The following PKIG variants were observed in gnomAD, a reference collection of about 807,000 sequenced individuals.
The protein encoded by PKIG is protein kinase (cAMP-dependent, catalytic) inhibitor gamma.
Under a neutral mutation model 6.8 loss-of-function variants are expected in PKIG, and 1 was observed. That is an observed-to-expected ratio of 0.15 (90% CI 0.05 to 0.69). The LOEUF is 0.69. Ranked by LOEUF, PKIG falls within the 30% of genes least tolerant of loss-of-function variation. PKIG has a pLI of 0.82. For missense variants in PKIG, 77 were observed against 104.0 expected, an observed-to-expected ratio of 0.74 and a Z score of 1.13; for synonymous variants, 39 against 43.0, an observed-to-expected ratio of 0.91 and a Z score of 0.36.
At position 44,544,268 on chromosome 20, in the gene PKIG, T is replaced by C. The variant is rs79457690; in HGVS notation, c.-241+12290T>C. ...TTTACAAGAGGGATGAAATTATCTC[T>C]AGACCATTCAGAAACAGAATTGTGT... On this transcript the variant is annotated intron_variant, in intron 1 of 4. Coordinates refer to the PKIG transcript ENST00000372887. 1.2e-4 allele frequency among the ~76,000 whole-genome samples: 19 copies of C among 152,280 alleles called. 1 individual carries two copies. In the East Asian group the frequency reaches 3.7e-3, roughly 29 times the overall value.
intron 1 of PKIG, among the ~76,000 whole-genome samples, chr20:44,562,658 A>G (rs891712205): frequency 6.6e-6 from 1 of 151,986 alleles, no homozygotes; most frequent in African/African-American, 2.4e-5. Flanking sequence ...GGGAGATAGT[A>G]TACTCATTAA....
At chr20:44,602,084 GGT>G (rs2065125998) in intron 2 of PKIG, among the ~76,000 whole-genome samples, 1 of 152,222 alleles carries the variant, frequency 6.6e-6, no homozygotes, top group South Asian at 2.1e-4. Context: ...GGGCATTCAA[GGT>G]CAATCACATG....
intron 2 of PKIG, among the ~76,000 whole-genome samples, chr20:44,605,406 C>CAAAAAA (rs34277645): frequency 2.7e-5 from 1 of 37,314 alleles, no homozygotes. Context: ...GACTCCGTCT[C>CAAAAAA]AAAAAAAAAA....
intron 1 of PKIG, among the ~76,000 whole-genome samples, chr20:44,549,074 A>T (rs2064644239): frequency 6.6e-6 from 1 of 152,198 alleles, no homozygotes; most frequent in Admixed American, 6.5e-5. Flanking sequence ...GCAGACTTAA[A>T]TTCTCAGGAA....
At chr20:44,583,907 A>G (rs999473190) in intron 1 of PKIG, among the ~76,000 whole-genome samples, 1 of 152,226 alleles carries the variant, frequency 6.6e-6, no homozygotes, top group African/African-American at 2.4e-5. Context: ...AACAGGCAAC[A>G]TTAAGTTACT....
upstream of PKIG, among the ~76,000 whole-genome samples, chr20:44,577,687 T>G (rs986961376): frequency 6.6e-6 from 1 of 152,012 alleles, no homozygotes; most frequent in Non-Finnish European, 1.5e-5. Flanking sequence ...AGTGAATAAG[T>G]GAGTTGGAAA....
chr20:44,616,218 G>C (rs1462522879), intron 3 of PKIG, among the ~76,000 whole-genome samples: 1 of 152,042 alleles, frequency 6.6e-6, no homozygotes, highest in East Asian at 1.9e-4. Context: ...TTCCCTGACC[G>C]CAGTACCCCT....
At chr20:44,572,868 T>C (rs1160637568) in intron 1 of PKIG, among the ~76,000 whole-genome samples, 7 of 152,154 alleles carry the variant, frequency 4.6e-5, no homozygotes, top group Non-Finnish European at 8.8e-5. Flanking sequence ...TCACCCTCTT[T>C]AGTTATCCCA....
Position 44,612,553 on chromosome 20 carries a change from G to A in PKIG, c.-23-1981G>A, listed in dbSNP as rs370244750. Among the ~76,000 whole-genome samples the A allele has an allele frequency of 3.3e-5, 5 of 152,300 alleles. No individual in the cohort carries two copies. The East Asian group carries it at 7.7e-4, about 24-fold the overall frequency. Reference sequence around the variant, plus strand: ...CATAGGTGCTCAATGAGAGATACTAGTATCCCCTTCGCAAATTAACCTTTT... The same window carrying A: ...CATAGGTGCTCAATGAGAGATACTAATATCCCCTTCGCAAATTAACCTTTT... On this transcript the variant is annotated intron_variant, in intron 2 of 3. Transcript: ENST00000372886.
upstream of PKIG, among the ~76,000 whole-genome samples, chr20:44,577,675 A>C (rs2064910759): frequency 6.6e-6 from 1 of 152,214 alleles, no homozygotes; most frequent in Non-Finnish European, 1.5e-5. Context: ...ACTGCATGGC[A>C]CAGTGAATAA....
chr20:44,591,065 G>A (rs183013393), intron 2 of PKIG, among the ~76,000 whole-genome samples: 1 of 152,192 alleles, frequency 6.6e-6, no homozygotes, highest in African/African-American at 2.4e-5. Flanking sequence ...GAAGCTTGTG[G>A]GTCTGGCTGA....
chr20:44,538,697 T>G (rs910095869), intron 1 of PKIG, among the ~76,000 whole-genome samples: 1 of 152,214 alleles, frequency 6.6e-6, no homozygotes, highest in African/African-American at 2.4e-5. Context: ...GTTTCATTAT[T>G]ACACCTAAGG....
chr20:44,556,812 A>G (rs549035494), intron 1 of PKIG, among the ~76,000 whole-genome samples: 10 of 152,110 alleles, frequency 6.6e-5, no homozygotes, highest in Non-Finnish European at 1.3e-4. Flanking sequence ...AAATAATACT[A>G]GATATATAGG....
At chr20:44,610,500 T>TCTCACACACACACACACACACACACA (rs1555841182) in intron 2 of PKIG, among the ~76,000 whole-genome samples, 17 of 135,482 alleles carry the variant, frequency 1.3e-4, no homozygotes, top group South Asian at 4.6e-4. Context: ...TCTCTCTCTC[T>TCTCACACACACACACACACACACACA]CACACACACA....
At chr20:44,610,500 T>TCTCTCACACACACACACACACA (rs1555841182) in intron 2 of PKIG, among the ~76,000 whole-genome samples, 1 of 135,422 alleles carries the variant, frequency 7.4e-6, no homozygotes, top group Non-Finnish European at 1.6e-5. Flanking sequence ...TCTCTCTCTC[T>TCTCTCACACACACACACACACA]CACACACACA....
chr20:44,572,268 A>G (rs1345899526), intron 1 of PKIG, among the ~76,000 whole-genome samples: 1 of 152,148 alleles, frequency 6.6e-6, no homozygotes, highest in Non-Finnish European at 1.5e-5. Context: ...AGACTCCCAA[A>G]GTGCTGGGAT....
intron 1 of PKIG, among the ~76,000 whole-genome samples, chr20:44,553,865 A>G (rs981527309): frequency 5.3e-5 from 8 of 152,112 alleles, no homozygotes; most frequent in African/African-American, 1.9e-4. Context: ...AACTAGGAGA[A>G]AAGGGTTAGT....
At chr20:44,603,032 A>G (rs2065135331) in intron 2 of PKIG, among the ~76,000 whole-genome samples, 1 of 152,176 alleles carries the variant, frequency 6.6e-6, no homozygotes, top group African/African-American at 2.4e-5. Flanking sequence ...CCTGTAATCT[A>G]GAACATCTTC....
chr20:44,609,426 T>C (rs985549115), intron 2 of PKIG, among the ~76,000 whole-genome samples: 2 of 152,132 alleles, frequency 1.3e-5, no homozygotes, highest in African/African-American at 4.8e-5. Flanking sequence ...TGCACAGCAC[T>C]CCACGGTGCA....
Sources: allele counts gnomAD v4.1 joint callset (sites outside exome capture counted in the v4.1 genomes callset), GRCh38; gene constraint gnomAD v4.1.1; transcripts MANE v1.5; gene names NCBI Gene and HGNC (gene_info 2026-07-23, HGNC 2026-07-21).